The following TMCO6 variants were observed in gnomAD, a reference collection of about 807,000 sequenced individuals.
The protein encoded by TMCO6 is transmembrane and coiled-coil domain-containing protein 6.
In TMCO6, 47 loss-of-function variants were observed where a neutral mutation model predicts 61.8. That is an observed-to-expected ratio of 0.76 (90% confidence interval 0.60 to 0.97). The LOEUF is 0.97. Among genes scored for constraint, TMCO6 ranks in the 50% least tolerant of loss-of-function variants. The probability of loss-of-function intolerance (pLI) is 0.00; values close to 1 mark genes in which losing one functional copy is unlikely to be tolerated. For synonymous variants in TMCO6, 261 were observed against 254.2 expected (o/e 1.03, Z -0.25); for missense variants, 557 against 601.6 (o/e 0.93, Z 0.78).
At position 140,643,885 on chromosome 5, in the gene TMCO6, T is replaced by C; in HGVS notation, c.1024T>C (p.Leu342=). The part of the protein sequence containing the change: ...QLRDERVVAA[L]FILLQFFFQK... Reference sequence around the variant, plus strand: ...CAGAGATGAGCGTGTTGTGGCAGCCTTATTTATCCTTCTGCAGTTCTTTTT... The same window carrying C: ...CAGAGATGAGCGTGTTGTGGCAGCCCTATTTATCCTTCTGCAGTTCTTTTT... Residue 342 remains leucine, a synonymous_variant, in exon 9 of 12, where the codon TTA becomes CTA. Transcript: ENST00000394671. 6.2e-7 allele frequency: 1 copy of C among 1,614,196 alleles called. No individual in the cohort carries two copies. Among genetic ancestry groups the C allele is most frequent in the Non-Finnish European group, 8.5e-7 (1 of 1,180,036 alleles).
chr5:140,610,627 G>A, the TMCO6 span, among the ~76,000 whole-genome samples: 1 of 152,108 alleles, frequency 6.6e-6, no homozygotes, highest in South Asian at 2.1e-4. Flanking sequence ...ATGTATTTTA[G>A]TGAATCACTA....
At chr5:140,619,478 C>G in the TMCO6 span, among the ~76,000 whole-genome samples, 1 of 152,222 alleles carries the variant, frequency 6.6e-6, no homozygotes, top group East Asian at 1.9e-4. Context: ...AACAGTGGGC[C>G]TTAATAAGCA....
chr5:140,632,545 A>G, the TMCO6 span: 7 of 1,614,160 alleles, frequency 4.3e-6, no homozygotes, highest in Admixed American at 8.3e-5. This position sits in a 1 kb window ranked among gnomAD's most constrained non-coding sequence, Gnocchi z 6.2. Flanking sequence ...CGTAGGCGCA[A>G]GCTGGAAAGT....
downstream of TMCO6, among the ~76,000 whole-genome samples, chr5:140,646,867 G>A (rs1239257183): frequency 1.3e-5 from 2 of 152,154 alleles, no homozygotes; most frequent in Non-Finnish European, 2.9e-5. Context: ...AATGAGTTAG[G>A]CAGGGAAGCA....
rs1337341172 is a variant in TMCO6 at position 140,641,910 on chromosome 5, A to G, written c.355A>G (p.Ser119Gly). Residue 119 changes from serine to glycine, a missense_variant, in exon 4 of 12, where the codon AGC becomes GGC. Ser to Gly is a moderately conservative substitution (Grantham distance 56). Transcript: ENST00000394671. ...GCGGACCCTGGTCGGGCTCCTGACC[A>G]GCAACCAGGCCCTGCTGCAGCTTGA... is the stretch of plus-strand genomic sequence containing the variant. Reference protein sequence around the residue: ...SMRTLVGLLTSNQALLQLEAA... With the variant: ...SMRTLVGLLTGNQALLQLEAA... The G allele has an allele frequency of 1.2e-6, 2 of 1,613,284 alleles. No individual in the cohort carries two copies. Among genetic ancestry groups the G allele is most frequent in the East Asian group, 2.2e-5 (1 of 44,864 alleles).
At chr5:140,639,363 G>T (rs1018389065), upstream of TMCO6, 3 of 651,732 alleles carry the variant, frequency 4.6e-6, no homozygotes, top group South Asian at 3.7e-5. Context: ...TCCCCGCGAG[G>T]CGTCCACTCG....
In TMCO6 at chr5:140,641,688, C is replaced by G; in HGVS notation, c.222C>G (p.Ala74=). 1 of 1,614,030 alleles carries G rather than the reference C, an allele frequency of 6.2e-7. No individual in the cohort carries two copies. The highest frequency in any genetic ancestry group is 8.5e-7 in the Non-Finnish European group (1 of 1,180,014). The part of the protein sequence containing the change: ...ETEVQQFLRQ[A]QRGTEEKERE... ...AGGTGCAGCAGTTCCTGCGGCAAGC[C>G]CAGCGGGGGACAGAGGAAAAGGAGA... The change falls in exon 3 of 12, where the codon GCC becomes GCG. Residue 74 remains alanine (A), a synonymous_variant. Transcript: ENST00000394671.
the TMCO6 span, chr5:140,609,278 A>T: frequency 1.1e-5 from 2 of 180,102 alleles, no homozygotes; most frequent in Non-Finnish European, 2.4e-5. Context: ...TGAGGTTTCT[A>T]AGGACAACTG....
chr5:140,621,603 G>A, the TMCO6 span, among the ~76,000 whole-genome samples: 16 of 152,182 alleles, frequency 1.1e-4, no homozygotes, highest in Admixed American at 2.0e-4. Flanking sequence ...AAAAGAACAG[G>A]ATAACAGCAA....
the TMCO6 span, among the ~76,000 whole-genome samples, chr5:140,627,456 T>C: frequency 6.6e-6 from 1 of 152,210 alleles, no homozygotes. Context: ...CCTGCCTAAT[T>C]TAGACCAAAT....
the TMCO6 span, among the ~76,000 whole-genome samples, chr5:140,614,247 G>A: frequency 6.6e-6 from 1 of 151,198 alleles, no homozygotes; most frequent in Non-Finnish European, 1.5e-5. Context: ...AGTAGCTCAT[G>A]CCTGTAATCC....
At chr5:140,633,789 C>CTTTTTTTTT in the TMCO6 span, 1 of 124,406 alleles carries the variant, frequency 8.0e-6, no homozygotes, top group Non-Finnish European at 1.7e-5. Context: ...AACTTTCTTT[C>CTTTTTTTTT]TTTTTTTTTT....
At chr5:140,645,687 A>C, downstream of TMCO6, 1 of 1,614,184 alleles carries the variant, frequency 6.2e-7, no homozygotes, top group Non-Finnish European at 8.5e-7. Context: ...TGCTGAAGAG[A>C]GAGAGGGAGG....
At chr5:140,643,140 T>A in intron 7 of TMCO6, 99 bp downstream of exon 7, 1 of 1,531,668 alleles carries the variant, frequency 6.5e-7, no homozygotes, top group East Asian at 2.3e-5. Context: ...TATAGTGAGT[T>A]TTCCTCCCTC....
chr5:140,612,493 C>A, the TMCO6 span, among the ~76,000 whole-genome samples: 3 of 152,142 alleles, frequency 2.0e-5, no homozygotes, highest in African/African-American at 4.8e-5. Flanking sequence ...GCGCCCGCCA[C>A]GGCGCCCGGC....
At chr5:140,596,732 G>A in the TMCO6 span, among the ~76,000 whole-genome samples, 72 of 152,202 alleles carry the variant, frequency 4.7e-4, 1 homozygote, top group Middle Eastern at 6.8e-3. Flanking sequence ...GTTACCCCTG[G>A]GGTATAAAGC....
chr5:140,631,704 A>C, the TMCO6 span: 3 of 714,570 alleles, frequency 4.2e-6, no homozygotes, highest in Non-Finnish European at 7.1e-6. Flanking sequence ...ACATCCAATA[A>C]AGGTCTGTTA....
chr5:140,606,132 C>CCCTTCCTT, the TMCO6 span, among the ~76,000 whole-genome samples: 35 of 123,922 alleles, frequency 2.8e-4, 1 homozygote, highest in African/African-American at 9.7e-4. Context: ...TTTCCTTTTC[C>CCCTTCCTT]CCTTCCTTCC....
chr5:140,604,812 A>G, the TMCO6 span, among the ~76,000 whole-genome samples: 15 of 137,440 alleles, frequency 1.1e-4, no homozygotes, highest in Non-Finnish European at 1.9e-4. Flanking sequence ...TTAGCTACCC[A>G]GTTTTCTCAG....
Sources: allele counts gnomAD v4.1 joint callset (sites outside exome capture counted in the v4.1 genomes callset), GRCh38; gene constraint gnomAD v4.1.1; non-coding constraint Gnocchi (gnomAD v3.1); transcripts MANE v1.5; gene names NCBI Gene and HGNC (gene_info 2026-07-23, HGNC 2026-07-21).